Variants in CRCP observed in about 807,000 individuals in gnomAD.
The protein encoded by CRCP is CGRP receptor component.
A neutral mutation model predicts 18.5 loss-of-function variants in CRCP; 18 were observed. The observed-to-expected ratio is 0.97, with a 90% CI of 0.67 to 1.44. The LOEUF is 1.44. Among genes scored for constraint, CRCP ranks in the 40% most tolerant of loss-of-function variants. CRCP has a pLI of 0.00. For synonymous variants in CRCP, 53 were observed against 62.9 expected (o/e 0.84, Z 0.75); for missense variants, 130 against 176.4 (o/e 0.74, Z 1.49).
At chr7:66,121,746 A>G (rs1245396342) in intron 1 of CRCP, among the ~76,000 whole-genome samples, 3 of 152,164 alleles carry the variant, frequency 2.0e-5, no homozygotes, top group Admixed American at 6.5e-5. Context: ...AACGTAATAT[A>G]TATAATTGGG....
intron 1 of CRCP, among the ~76,000 whole-genome samples, chr7:66,121,945 C>T (rs1369495040): frequency 6.6e-6 from 1 of 152,188 alleles, no homozygotes; most frequent in Non-Finnish European, 1.5e-5. Context: ...TGTTCATTGA[C>T]TTCAGAAGCT....
At chr7:66,120,934 C>T (rs1411554463) in intron 1 of CRCP, among the ~76,000 whole-genome samples, 3 of 152,054 alleles carry the variant, frequency 2.0e-5, no homozygotes, top group Non-Finnish European at 4.4e-5. Context: ...CTATCAGACA[C>T]TCCCAGAACC....
chr7:66,131,846 C>A (rs1010761425), intron 3 of CRCP, among the ~76,000 whole-genome samples: 2 of 151,800 alleles, frequency 1.3e-5, no homozygotes, highest in African/African-American at 4.8e-5. Flanking sequence ...CGGCTCACCT[C>A]TGGCTCCCGG....
At chr7:66,127,569 C>T (rs1330156233) in intron 1 of CRCP, 135 bp from the exon 2 acceptor site, 9 of 930,192 alleles carry the variant, frequency 9.7e-6, no homozygotes, top group Non-Finnish European at 1.5e-5. Flanking sequence ...GGACATTTCT[C>T]AGTTTCAATT....
Position 66,152,479 on chromosome 7 carries a change from G to A in CRCP, c.*122G>A. Reference sequence around the variant, plus strand: ...CCCAGCAGGCCTGGCTTTGTGGTTAGTTGGGTACATCACAAAAATAAGTTA... The same window carrying A: ...CCCAGCAGGCCTGGCTTTGTGGTTAATTGGGTACATCACAAAAATAAGTTA... On this transcript the variant is annotated 3_prime_UTR_variant, in exon 6 of 6. Transcript: ENST00000395326. 1.9e-6 allele frequency: 2 copies of A among 1,049,940 alleles called. No individual in the cohort carries two copies. The highest frequency in any genetic ancestry group is 2.7e-6 in the Non-Finnish European group (2 of 735,464). The allele number at this position is 1,049,940 out of a possible 1,614,324, so 65.0% of individuals were successfully genotyped here.
At chr7:66,119,911 C>T (rs142181481) in intron 1 of CRCP, among the ~76,000 whole-genome samples, 3 of 151,882 alleles carry the variant, frequency 2.0e-5, no homozygotes, top group Non-Finnish European at 4.4e-5. Flanking sequence ...TTTTGCAGCC[C>T]GGTGCTCATG....
chr7:66,117,955 T>C (rs1401469393), intron 1 of CRCP, among the ~76,000 whole-genome samples: 2 of 152,088 alleles, frequency 1.3e-5, no homozygotes, highest in East Asian at 3.9e-4. Flanking sequence ...CTCGCCCTCG[T>C]CCTGTTCTCT....
chr7:66,148,151 C>G (rs147174418), intron 5 of CRCP, among the ~76,000 whole-genome samples: 1 of 152,030 alleles, frequency 6.6e-6, no homozygotes, highest in Non-Finnish European at 1.5e-5. Flanking sequence ...CACCTGAGGT[C>G]AGGAGTTTGT....
chr7:66,154,344 A>T lies in CRCP; in HGVS notation c.*1987A>T, dbSNP rs1277799141. On this transcript the variant is annotated 3_prime_UTR_variant, in exon 6 of 6. Coordinates refer to ENST00000395326, the MANE Select transcript of CRCP (RefSeq NM_014478.5). Reference sequence around the variant, plus strand: ...GGCACGTACCACTATACCCTGCTAAAATTTGTATTTTTAGTAGAGACAGGG... The same window carrying T: ...GGCACGTACCACTATACCCTGCTAATATTTGTATTTTTAGTAGAGACAGGG... The T allele has an allele frequency of 6.6e-6, 1 of 151,716 alleles. No homozygotes were observed. The highest frequency in any genetic ancestry group is 1.5e-5 in the Non-Finnish European group (1 of 67,928). The allele number at this position is 151,716 out of a possible 1,614,324, so 9.4% of individuals were successfully genotyped here.
At position 66,152,256 on chromosome 7, in the gene CRCP, C is replaced by G; in HGVS notation, c.346C>G (p.Leu116Val). 4 of 1,614,112 alleles carry G rather than the reference C, an allele frequency of 2.5e-6. No homozygotes were observed. The highest frequency in any genetic ancestry group is 3.4e-6 in the Non-Finnish European group (4 of 1,180,016). ...ERLTEEQIEA[L>V]LHTVTSILPA... ...GCTCACGGAGGAGCAGATTGAAGCT[C>G]TTCTCCACACCGTCACCAGCATTCT... The change falls in exon 6 of 6, where the codon CTT (leucine) becomes GTT (valine). Residue 116 changes from leucine to valine, a missense_variant. Transcript: ENST00000395326.
chr7:66,118,598 A>G (rs1246886596), intron 1 of CRCP, among the ~76,000 whole-genome samples: 1 of 152,212 alleles, frequency 6.6e-6, no homozygotes, highest in Admixed American at 6.5e-5. Context: ...CCCCCTGCGT[A>G]TACCAAAATT....
intron 4 of CRCP, among the ~76,000 whole-genome samples, chr7:66,143,341 A>G (rs1788194544): frequency 6.6e-6 from 1 of 152,074 alleles, no homozygotes; most frequent in South Asian, 2.1e-4. Context: ...TATATTGACC[A>G]AGTCACACCC....
intron 4 of CRCP, among the ~76,000 whole-genome samples, chr7:66,141,024 A>G (rs1788120941): frequency 6.6e-6 from 1 of 152,126 alleles, no homozygotes. Context: ...ATTTTTTAAA[A>G]TCTTTTTAAA....
At chr7:66,119,358 C>T (rs1157103734) in intron 1 of CRCP, among the ~76,000 whole-genome samples, 2 of 152,152 alleles carry the variant, frequency 1.3e-5, no homozygotes, top group South Asian at 2.1e-4. Context: ...TTGGTAATAT[C>T]CTTTAAATAA....
chr7:66,129,280 C>T (rs1787715680), intron 2 of CRCP, among the ~76,000 whole-genome samples: 1 of 152,084 alleles, frequency 6.6e-6, no homozygotes, highest in South Asian at 2.1e-4. Flanking sequence ...CTGCAGTGAG[C>T]CAAGATTGTG....
intron 1 of CRCP, among the ~76,000 whole-genome samples, chr7:66,117,352 T>C (rs1343163111): frequency 6.6e-6 from 1 of 152,134 alleles, no homozygotes; most frequent in Non-Finnish European, 1.5e-5. Context: ...AGTGGTATCT[T>C]AGGGCTCAGT....
At chr7:66,124,859 A>C (rs943546572) in intron 1 of CRCP, among the ~76,000 whole-genome samples, 5 of 149,314 alleles carry the variant, frequency 3.3e-5, no homozygotes, top group African/African-American at 1.2e-4. Flanking sequence ...ATGATAATCT[A>C]CTATTATTAA....
intron 5 of CRCP, among the ~76,000 whole-genome samples, chr7:66,150,372 AT>A (rs1035607768): frequency 1.1e-4 from 17 of 152,106 alleles, no homozygotes; most frequent in South Asian, 2.1e-4. Context: ...GGAGTTGAAG[AT>A]TGTTTCTTTC....
chr7:66,140,696 G>A (rs533105872), intron 4 of CRCP, among the ~76,000 whole-genome samples: 6 of 152,198 alleles, frequency 3.9e-5, no homozygotes, highest in South Asian at 2.1e-4. Context: ...CGGCTGTGTC[G>A]AAATTTTTCA....
Sources: allele counts gnomAD v4.1 joint callset (sites outside exome capture counted in the v4.1 genomes callset), GRCh38; gene constraint gnomAD v4.1.1; transcripts MANE v1.5; gene names NCBI Gene and HGNC (gene_info 2026-07-23, HGNC 2026-07-21).